The following PRUNE2 variants were observed in gnomAD, a reference collection of about 807,000 sequenced individuals.
PRUNE2 encodes the protein prune homolog 2 with BCH domain, also known as protein prune homolog 2.
Under a neutral mutation model 252.0 loss-of-function variants are expected in PRUNE2, and 164 were observed. The ratio of observed to expected loss-of-function variants is 0.65; its 90% CI spans 0.57 to 0.74. The LOEUF (loss-of-function observed/expected upper bound fraction) is 0.74, where lower values mean the gene tolerates loss of function less well. Among genes scored for constraint, PRUNE2 ranks in the 30% least tolerant of loss-of-function variants. The pLI, the probability that PRUNE2 is intolerant of heterozygous loss-of-function variation, is 0.00. For synonymous variants in PRUNE2, 1,292 were observed against 1,350.2 expected (o/e 0.96, Z 0.94); for missense variants, 3,495 against 3,711.0 (o/e 0.94, Z 1.51).
Position 76,903,700 on chromosome 9 carries a change from G to C in PRUNE2, c.36+2228C>G, listed in dbSNP as rs567376336. On this transcript the variant is annotated intron_variant, in intron 1 of 18. Coordinates refer to ENST00000376718, the MANE Select transcript of PRUNE2 (RefSeq NM_015225.3). Reference sequence around the variant, plus strand: ...CCTCCGAGGTTCAAGTGATTCTCCTGCCTCTGCCCCCCTAGTAGCTGGGAT... The same window carrying C: ...CCTCCGAGGTTCAAGTGATTCTCCTCCCTCTGCCCCCCTAGTAGCTGGGAT... Among the ~76,000 whole-genome samples the C allele has an allele frequency of 2.0e-5, 3 of 152,214 alleles. No individual in the cohort carries two copies. The East Asian group carries it at 5.8e-4, about 29-fold the overall frequency.
At chr9:76,868,918 A>G (rs912405903) in intron 1 of PRUNE2, 1 of 151,050 alleles carries the variant, frequency 6.6e-6, no homozygotes, top group African/African-American at 2.4e-5. Flanking sequence ...AGCCTGTGTT[A>G]AGATCACGTC....
chr9:76,894,957 T>C (rs762384516), intron 1 of PRUNE2, among the ~76,000 whole-genome samples: 48 of 151,610 alleles, frequency 3.2e-4, no homozygotes, highest in Non-Finnish European at 5.7e-4. Context: ...ACCAGGGAGG[T>C]AGAGGTTGCA....
intron 6 of PRUNE2, among the ~76,000 whole-genome samples, chr9:76,791,067 GAGGT>G (rs1368498082): frequency 2.0e-5 from 3 of 152,226 alleles, no homozygotes; most frequent in African/African-American, 2.4e-5. Context: ...GTGACTGCCA[GAGGT>G]TGAGGGATTG....
At chr9:76,878,739 A>G (rs2061598802) in intron 1 of PRUNE2, among the ~76,000 whole-genome samples, 1 of 152,112 alleles carries the variant, frequency 6.6e-6, no homozygotes, top group African/African-American at 2.4e-5. Context: ...AAAAAATCCT[A>G]CTACTTTGTC....
chr9:76,891,361 C>T (rs945165175), intron 1 of PRUNE2, among the ~76,000 whole-genome samples: 7 of 152,248 alleles, frequency 4.6e-5, no homozygotes, highest in African/African-American at 1.4e-4. Context: ...GACATCCAGT[C>T]ACCTGTTGTC....
intron 9 of PRUNE2, among the ~76,000 whole-genome samples, chr9:76,665,579 TG>T (rs1029456064): frequency 1.3e-5 from 2 of 152,264 alleles, no homozygotes; most frequent in Non-Finnish European, 2.9e-5. Flanking sequence ...ATGAATCTCC[TG>T]GGGGACAAGC....
intron 17 of PRUNE2, among the ~76,000 whole-genome samples, chr9:76,623,751 C>T (rs1258856075): frequency 6.6e-6 from 1 of 152,140 alleles, no homozygotes; most frequent in African/African-American, 2.4e-5. Flanking sequence ...CAATCTTATC[C>T]AAATATTCTT....
intron 16 of PRUNE2, among the ~76,000 whole-genome samples, chr9:76,624,868 T>C (rs553614271): frequency 6.6e-6 from 1 of 152,262 alleles, no homozygotes; most frequent in South Asian, 2.1e-4. Context: ...TAGGTTGACC[T>C]CAACAGCTTT....
chr9:76,668,427 C>A (rs1325786651), intron 9 of PRUNE2, among the ~76,000 whole-genome samples: 1 of 152,196 alleles, frequency 6.6e-6, no homozygotes, highest in African/African-American at 2.4e-5. Context: ...TTTAAAACAT[C>A]CAGTTTCTCA....
At chr9:76,695,896 A>C (rs1334091659) in intron 9 of PRUNE2, among the ~76,000 whole-genome samples, 1 of 151,972 alleles carries the variant, frequency 6.6e-6, no homozygotes, top group Non-Finnish European at 1.5e-5. Flanking sequence ...TAAATAGAAG[A>C]TCTTTTCAGA....
Position 76,706,094 on chromosome 9 carries a change from A to C in PRUNE2, c.6180T>G (p.Gly2060=). The change falls in exon 8 of 19, where the codon GGT becomes GGG. Residue 2060 remains glycine, a synonymous_variant. Coordinates refer to ENST00000376718, the MANE Select transcript of PRUNE2 (RefSeq NM_015225.3). ...PDILHGNFQE[G]GQLASAAPDL... ...CAGGCGCGGCAGAGGCCAGCTGCCCACCCTCTTGAAAGTTGCCATGTAAAA... is the reference window on the plus strand; with the variant it reads ...CAGGCGCGGCAGAGGCCAGCTGCCCCCCCTCTTGAAAGTTGCCATGTAAAA... 3.1e-6 allele frequency: 5 copies of C among 1,613,984 alleles called. No homozygotes were observed. The highest frequency in any genetic ancestry group is 4.2e-6 in the Non-Finnish European group (5 of 1,179,860).
chr9:76,703,071 G>GT (rs2046020347), intron 9 of PRUNE2, among the ~76,000 whole-genome samples: 2 of 151,180 alleles, frequency 1.3e-5, no homozygotes, highest in East Asian at 3.9e-4. Flanking sequence ...AGTCATGTAG[G>GT]TATTCAAGTA....
chr9:76,803,207 C>G (rs1364872231), intron 6 of PRUNE2, among the ~76,000 whole-genome samples: 1 of 152,176 alleles, frequency 6.6e-6, no homozygotes, highest in East Asian at 1.9e-4. Flanking sequence ...GTCTCACACA[C>G]CACTTTGGGA....
chr9:76,884,513 A>C (rs2061977484), intron 1 of PRUNE2, among the ~76,000 whole-genome samples: 1 of 152,224 alleles, frequency 6.6e-6, no homozygotes, highest in Admixed American at 6.5e-5. Flanking sequence ...TAAGACTTAG[A>C]GATTAAATCA....
chr9:76,809,334 G>A (rs1433550994), intron 6 of PRUNE2, among the ~76,000 whole-genome samples: 1 of 152,082 alleles, frequency 6.6e-6, no homozygotes, highest in Non-Finnish European at 1.5e-5. Flanking sequence ...TTTATTGAAG[G>A]GATTGGGAGG....
chr9:76,817,405 A>G (rs148780518), intron 6 of PRUNE2, among the ~76,000 whole-genome samples: 162 of 152,300 alleles, frequency 1.1e-3, no homozygotes, highest in African/African-American at 3.7e-3. Flanking sequence ...TTATTTTCCA[A>G]ATTGGTTCCT....
intron 6 of PRUNE2, among the ~76,000 whole-genome samples, chr9:76,726,602 G>T (rs1445991000): frequency 6.6e-6 from 1 of 152,188 alleles, no homozygotes; most frequent in African/African-American, 2.4e-5. Context: ...AAAGAGGAGT[G>T]ATAAATCTAT....
At chr9:76,809,659 G>A (rs1302493902) in intron 6 of PRUNE2, among the ~76,000 whole-genome samples, 2 of 152,168 alleles carry the variant, frequency 1.3e-5, no homozygotes, top group African/African-American at 4.8e-5. Context: ...TCGTGCCACT[G>A]CACTCCAGCC....
intron 9 of PRUNE2, among the ~76,000 whole-genome samples, chr9:76,675,628 C>T (rs374921536): frequency 2.6e-5 from 3 of 116,782 alleles, no homozygotes; most frequent in African/African-American, 5.9e-5. Context: ...ATGTTTATTG[C>T]GGCATTATTC....
Sources: allele counts gnomAD v4.1 joint callset (sites outside exome capture counted in the v4.1 genomes callset), GRCh38; gene constraint gnomAD v4.1.1; transcripts MANE v1.5; gene names NCBI Gene and HGNC (gene_info 2026-07-23, HGNC 2026-07-21).